The following PLCB4 variants were observed in gnomAD, a reference collection of about 807,000 sequenced individuals.
The protein encoded by PLCB4 is phospholipase C beta 4, also known as 1-phosphatidylinositol 4,5-bisphosphate phosphodiesterase beta-4.
A neutral mutation model predicts 178.8 loss-of-function variants in PLCB4; 77 were observed. That is an observed-to-expected ratio of 0.43 (90% CI 0.36 to 0.52). The LOEUF (loss-of-function observed/expected upper bound fraction) is 0.52, where lower values mean the gene tolerates loss of function less well. PLCB4 is among the 20% of genes least tolerant of loss of function. The probability of loss-of-function intolerance (pLI) is 0.00; values close to 1 mark genes in which losing one functional copy is unlikely to be tolerated. For missense variants in PLCB4, 1,024 were observed against 1,453.4 expected, an observed-to-expected ratio of 0.70 and a Z score of 4.80; for synonymous variants, 496 against 490.8, an observed-to-expected ratio of 1.01 and a Z score of -0.14.
Position 9,390,623 on chromosome 20 carries a change from T to C in PLCB4, c.1323+8T>C, listed in dbSNP as rs200519591. 50 of 1,381,236 alleles carry C rather than the reference T, an allele frequency of 3.6e-5. No individual in the cohort carries two copies. In the African/African-American group the frequency reaches 6.4e-4, roughly 18 times the overall value. The allele number at this position is 1,381,236 out of a possible 1,614,324, so 85.6% of individuals were successfully genotyped here. A position where few individuals can be genotyped will look rare whatever the true frequency, so the allele number is the denominator to read the frequency against. Reference sequence around the variant, plus strand: ...GCACTTGAATCACATCCAGTATGTATTTTTAACAAACCATATTTCTAGCAT... The same window carrying C: ...GCACTTGAATCACATCCAGTATGTACTTTTAACAAACCATATTTCTAGCAT... On this transcript the variant is annotated splice_region_variant and intron_variant, in intron 17 of 39. Coordinates refer to ENST00000378473, the MANE Select transcript of PLCB4 (RefSeq NM_001377142.1).
chr20:9,260,991 A>T (rs1474241781), intron 3 of PLCB4, among the ~76,000 whole-genome samples: 1 of 152,146 alleles, frequency 6.6e-6, no homozygotes, highest in African/African-American at 2.4e-5. Context: ...CCCTAAGTAT[A>T]TTAGTCCAAG....
intron 20 of PLCB4, among the ~76,000 whole-genome samples, chr20:9,404,944 T>C (rs903840926): frequency 6.6e-6 from 1 of 152,136 alleles, no homozygotes; most frequent in African/African-American, 2.4e-5. Flanking sequence ...GGGGACAGTA[T>C]GGGGGGCTGC....
At chr20:9,421,205 C>A in intron 26 of PLCB4, 92 bp from the exon 27 acceptor site, 1 of 989,470 alleles carries the variant, frequency 1.0e-6, no homozygotes, top group Non-Finnish European at 1.5e-6. Context: ...TGCTCCCACC[C>A]AAAAGACAGA....
intron 2 of PLCB4, among the ~76,000 whole-genome samples, chr20:9,208,837 G>A (rs1568952223): frequency 6.6e-6 from 1 of 152,164 alleles, no homozygotes. Context: ...CACCACACTT[G>A]ACCTGCTTTT....
At chr20:9,101,307 A>G (rs1258242766) in intron 2 of PLCB4, among the ~76,000 whole-genome samples, 3 of 152,178 alleles carry the variant, frequency 2.0e-5, no homozygotes, top group African/African-American at 7.2e-5. Context: ...GGTTAGATTC[A>G]GATGACTGGG....
At chr20:9,462,338 A>T (rs1428958141) in intron 35 of PLCB4, among the ~76,000 whole-genome samples, 4 of 152,342 alleles carry the variant, frequency 2.6e-5, no homozygotes, top group Admixed American at 6.5e-5. Flanking sequence ...GAAAATTCTA[A>T]AAACCAGAGC....
chr20:9,408,596 C>A, intron 22 of PLCB4, 37 bp from the exon 23 acceptor site: 2 of 1,021,520 alleles, frequency 2.0e-6, no homozygotes, highest in Non-Finnish European at 3.1e-6. Flanking sequence ...GGTTTGATGG[C>A]AGAGTTCCTG....
chr20:9,270,140 G>T (rs957441922), intron 3 of PLCB4, among the ~76,000 whole-genome samples: 2 of 151,906 alleles, frequency 1.3e-5, no homozygotes, highest in African/African-American at 4.8e-5. Context: ...ACAGCTTAAA[G>T]TAATATTAAG....
intron 3 of PLCB4, among the ~76,000 whole-genome samples, chr20:9,272,400 C>G (rs1240486732): frequency 1.3e-5 from 2 of 152,006 alleles, no homozygotes; most frequent in African/African-American, 4.8e-5. Context: ...AGGATGCTGA[C>G]TGGCAATCAG....
rs866349378 is a variant in PLCB4, at chr20:9,338,922, C to T, written c.254C>T (p.Ala85Val). ...KDPKILAALE[A>V]VGKSENDLEG... ...CCCAAAATCTTGGCTGCTCTTGAAG[C>T]TGTTGGAAAATCAGAAAATGATCTG... The change falls in exon 7 of 40, where the codon GCT (alanine) becomes GTT (valine). Residue 85 changes from alanine to valine, a missense_variant. By Grantham distance (64) the Ala-to-Val change is moderately conservative (BLOSUM62 0). Around this residue, in one of 7 missense-constraint regions of PLCB4, gnomAD observed 225 missense variants for 291.0 expected, o/e 0.77. Coordinates refer to ENST00000378473, the MANE Select transcript of PLCB4 (RefSeq NM_001377142.1). 6.2e-7 allele frequency: 1 copy of T among 1,613,310 alleles called. No individual in the cohort carries two copies.
intron 7 of PLCB4, among the ~76,000 whole-genome samples, chr20:9,360,182 A>C (rs1271881730): frequency 6.6e-6 from 1 of 152,226 alleles, no homozygotes; most frequent in East Asian, 1.9e-4. Flanking sequence ...CATTGCAAGA[A>C]GAAAGAGGCA....
At chr20:9,264,525 T>A (rs759736426) in intron 3 of PLCB4, among the ~76,000 whole-genome samples, 26 of 152,290 alleles carry the variant, frequency 1.7e-4, no homozygotes, top group Non-Finnish European at 3.2e-4. Flanking sequence ...TTCATCAGTG[T>A]TTATGTTGTT....
Position 9,326,365 on chromosome 20 carries a change from A to G in PLCB4, c.85-10761A>G, listed in dbSNP as rs529797747. Among the ~76,000 whole-genome samples the G allele has an allele frequency of 7.9e-5, 12 of 152,272 alleles. No homozygotes were observed. In the South Asian group the frequency reaches 1.7e-3, roughly 21 times the overall value. On this transcript the variant is annotated intron_variant, in intron 4 of 39. Transcript: ENST00000378473. Reference sequence around the variant, plus strand: ...GGTAAGAATAAAATGAAAGGGGTGGATTAAATCTTTCTACTTGACACCAGA... The same window carrying G: ...GGTAAGAATAAAATGAAAGGGGTGGGTTAAATCTTTCTACTTGACACCAGA...
chr20:9,444,463 A>C (rs1207330002), intron 32 of PLCB4, among the ~76,000 whole-genome samples: 1 of 152,200 alleles, frequency 6.6e-6, no homozygotes, highest in Non-Finnish European at 1.5e-5. Context: ...AGCTTCATCC[A>C]TTTAAAAATT....
intron 25 of PLCB4, among the ~76,000 whole-genome samples, chr20:9,414,526 A>G (rs1462397158): frequency 6.6e-6 from 1 of 152,246 alleles, no homozygotes; most frequent in Admixed American, 6.5e-5. Flanking sequence ...TTAAAGAGGC[A>G]TTCTGTGCCC....
At position 9,402,914 on chromosome 20, in the gene PLCB4, A is replaced by T. The variant is rs146121628; in HGVS notation, c.1611+1324A>T. Among the ~76,000 whole-genome samples, 273 of 152,330 alleles carry T rather than the reference A, an allele frequency of 1.8e-3. 2 individuals carry two copies. Among genetic ancestry groups the T allele is most frequent in the African/African-American group, 6.2e-3 (259 of 41,580 alleles). On this transcript the variant is annotated intron_variant, in intron 20 of 39. Coordinates refer to ENST00000378473, the MANE Select transcript of PLCB4 (RefSeq NM_001377142.1). Reference sequence around the variant, plus strand: ...GTGAAGTATTCAAGGGGAGGTGTTCATATAGCATTGCCATCTGACTCTTTC... The same window carrying T: ...GTGAAGTATTCAAGGGGAGGTGTTCTTATAGCATTGCCATCTGACTCTTTC...
intron 2 of PLCB4, among the ~76,000 whole-genome samples, chr20:9,108,181 T>A (rs1436839832): frequency 6.6e-6 from 1 of 152,038 alleles, no homozygotes; most frequent in East Asian, 1.9e-4. Flanking sequence ...CAGGAGTTAG[T>A]TGGATATTAA....
At chr20:9,104,911 T>A (rs2091306426) in intron 2 of PLCB4, among the ~76,000 whole-genome samples, 1 of 152,104 alleles carries the variant, frequency 6.6e-6, no homozygotes, top group African/African-American at 2.4e-5. Flanking sequence ...TTCTGTCTTG[T>A]ACAATAATAT....
chr20:9,439,373 T>A (rs1440091049), intron 30 of PLCB4, among the ~76,000 whole-genome samples: 2 of 152,316 alleles, frequency 1.3e-5, no homozygotes, highest in Non-Finnish European at 1.5e-5. Flanking sequence ...TTTTCCAGCC[T>A]CTGCTAGTCT....
Sources: gnomAD v4.1 joint callset for allele counts (sites outside exome capture counted in the v4.1 genomes callset) on GRCh38, gnomAD v4.1.1 for gene constraint, gnomAD v4.1.1 regional missense constraint, MANE v1.5 for transcripts, NCBI Gene and HGNC (gene_info 2026-07-23, HGNC 2026-07-21) for gene names.